The following GALNT9 variants were observed in gnomAD, a reference collection of about 807,000 sequenced individuals.
GALNT9 encodes the protein polypeptide N-acetylgalactosaminyltransferase 9.
A neutral mutation model predicts 63.1 loss-of-function variants in GALNT9; 47 were observed. The ratio of observed to expected loss-of-function variants is 0.75; its 90% CI spans 0.59 to 0.95. GALNT9 has a LOEUF of 0.95. Ranked by LOEUF, GALNT9 falls within the 40% of genes least tolerant of loss-of-function variation. GALNT9 has a pLI of 0.00. For missense variants in GALNT9, 829 were observed against 874.8 expected, an observed-to-expected ratio of 0.95 and a Z score of 0.66; for synonymous variants, 396 against 365.7, an observed-to-expected ratio of 1.08 and a Z score of -0.94.
intron 1 of GALNT9, among the ~76,000 whole-genome samples, chr12:132,318,748 C>T (rs1275736316): frequency 2.0e-5 from 3 of 152,212 alleles, no homozygotes; most frequent in African/African-American, 7.2e-5. Context: ...GCCTGGCAAT[C>T]CCAGCTGTGG....
At chr12:132,209,581 G>T (rs965903751) in intron 6 of GALNT9, among the ~76,000 whole-genome samples, 1 of 151,956 alleles carries the variant, frequency 6.6e-6, no homozygotes, top group Non-Finnish European at 1.5e-5. Flanking sequence ...TAAAGGAGCC[G>T]CCAAGTCCCA....
chr12:132,203,158 GGCACTAAGTGGGGCCCTGGCTGA>G (rs1227171041), intron 7 of GALNT9, among the ~76,000 whole-genome samples: 2 of 152,192 alleles, frequency 1.3e-5, no homozygotes, highest in African/African-American at 2.4e-5. Flanking sequence ...TGCTGTGCAG[GGCACTAAGTGGGGCCCTGGCTGA>G]GGCGGCGGCA....
intron 1 of GALNT9, among the ~76,000 whole-genome samples, chr12:132,297,699 T>C (rs1467640204): frequency 7.2e-6 from 1 of 138,986 alleles, no homozygotes; most frequent in East Asian, 2.3e-4. Context: ...AACCAACTCG[T>C]TCCCAAGATA....
chr12:132,229,646 C>T (rs1385584445), intron 6 of GALNT9, among the ~76,000 whole-genome samples: 3 of 152,356 alleles, frequency 2.0e-5, no homozygotes, highest in Non-Finnish European at 4.4e-5. Flanking sequence ...CGTCCCCACC[C>T]TTCTCGGGCC....
chr12:132,257,731 G>C lies in GALNT9; in HGVS notation c.917C>G (p.Pro306Arg). 1 of 1,550,254 alleles carries C rather than the reference G, an allele frequency of 6.5e-7. No individual in the cohort carries two copies. The highest frequency in any genetic ancestry group is 1.4e-5 in the African/African-American group (1 of 73,142). ...GTCGCCGCGGTCCAGCCAGTCCTGCGGGGGGATGATGTACATGCACCAGAG... is the reference window on the plus strand; with the variant it reads ...GTCGCCGCGGTCCAGCCAGTCCTGCCGGGGGATGATGTACATGCACCAGAG... ...WGLWCMYIIP[P>R]QDWLDRGDES... Residue 306 changes from proline to arginine, a missense_variant, in exon 5 of 11, where the codon CCG becomes CGG. Coordinates refer to ENST00000328957, the MANE Select transcript of GALNT9 (RefSeq NM_001122636.2).
chr12:132,291,451 T>A (rs1315441408), intron 1 of GALNT9, among the ~76,000 whole-genome samples: 1 of 13,590 alleles, frequency 7.4e-5, no homozygotes, highest in African/African-American at 2.9e-4. Flanking sequence ...CACGTCCACA[T>A]CACCCACATC....
At chr12:132,224,981 C>CTG (rs2135522581) in intron 6 of GALNT9, among the ~76,000 whole-genome samples, 1 of 144,360 alleles carries the variant, frequency 6.9e-6, no homozygotes, top group South Asian at 2.3e-4. Context: ...CACACATACA[C>CTG]CCCATATACA....
At chr12:132,293,718 G>A (rs1880943784) in intron 1 of GALNT9, among the ~76,000 whole-genome samples, 1 of 152,064 alleles carries the variant, frequency 6.6e-6, no homozygotes, top group East Asian at 1.9e-4. Context: ...AGAAGCTGGG[G>A]GACCCTGTAT....
At chr12:132,209,660 A>G (rs1316004783) in intron 6 of GALNT9, among the ~76,000 whole-genome samples, 1 of 152,152 alleles carries the variant, frequency 6.6e-6, no homozygotes, top group Non-Finnish European at 1.5e-5. Flanking sequence ...ATTATAATGC[A>G]TTAGCTGCTA....
rs530329533 is a variant in GALNT9, at chr12:132,291,886, A to G, written c.239-5456T>C. 9.2e-5 allele frequency among the ~76,000 whole-genome samples: 14 copies of G among 152,044 alleles called. No individual in the cohort carries two copies. In the East Asian group the frequency reaches 2.7e-3, roughly 30 times the overall value. On this transcript the variant is annotated intron_variant, in intron 1 of 10. Transcript: ENST00000328957. ...CAGAGCCGCTCCCCTGCTGGGAGCC[A>G]TGGGCCCCAATCCTGCTGCACTTGC...
In GALNT9 at chr12:132,319,955, C is replaced by A. The variant is rs1165109348; in HGVS notation, c.238+9011G>T. Among the ~76,000 whole-genome samples, 1 of 152,184 alleles carries A rather than the reference C, an allele frequency of 6.6e-6. No individual in the cohort carries two copies. Among genetic ancestry groups the A allele is most frequent in the East Asian group, 1.9e-4 (1 of 5,192 alleles). On this transcript the variant is annotated intron_variant, in intron 1 of 10. Transcript: ENST00000328957. The surrounding 1 kb of genome is among the most constrained non-coding windows in gnomAD (Gnocchi z 5.2). ...GCAGGCGCTCCTAAGGAAAAGGGGG[C>A]GGCCAGCGGCCCCCACCGCTGGGTC... is the stretch of plus-strand genomic sequence containing the variant.
rs552441934 is a variant in GALNT9, at chr12:132,197,571, C to T, written c.1665+221G>A. Among the ~76,000 whole-genome samples the T allele has an allele frequency of 1.4e-4, 22 of 152,334 alleles. No individual in the cohort carries two copies. The South Asian group carries it at 4.3e-3, about 30-fold the overall frequency. ...GCAGGGCTATGATCAGACTGTCCAG[C>T]CCGACCCCTCTCTGGCTGTGTGACC... is the stretch of plus-strand genomic sequence containing the variant. On this transcript the variant is annotated intron_variant, in intron 10 of 10. Coordinates refer to ENST00000328957, the MANE Select transcript of GALNT9 (RefSeq NM_001122636.2).
intron 1 of GALNT9, among the ~76,000 whole-genome samples, chr12:132,324,404 C>T (rs1868942332): frequency 6.6e-6 from 1 of 152,158 alleles, no homozygotes; most frequent in South Asian, 2.1e-4. Context: ...TCACTCATCA[C>T]GCGGGACTGA....
At chr12:132,209,995 A>G (rs1384943438) in intron 6 of GALNT9, among the ~76,000 whole-genome samples, 4 of 152,222 alleles carry the variant, frequency 2.6e-5, no homozygotes, top group Non-Finnish European at 4.4e-5. Context: ...GCCTTGTACA[A>G]GATCCAAGAG....
chr12:132,315,230 C>T lies in GALNT9; in HGVS notation c.238+13736G>A, dbSNP rs975220850. Among the ~76,000 whole-genome samples the T allele has an allele frequency of 3.9e-4, 59 of 152,164 alleles. No homozygotes were observed. Among genetic ancestry groups the T allele is most frequent in the African/African-American group, 1.4e-3 (58 of 41,540 alleles). ...CCTCCCCCGTGTCCACTGCAAAGTG[C>T]TGGAGCCTCAGAATATAATCAGGGC... On this transcript the variant is annotated intron_variant, in intron 1 of 10. Transcript: ENST00000328957. This position sits in a 1 kb window ranked among gnomAD's most constrained non-coding sequence, Gnocchi z 6.1.
At chr12:132,207,854 C>T (rs980002869) in intron 6 of GALNT9, among the ~76,000 whole-genome samples, 2 of 152,166 alleles carry the variant, frequency 1.3e-5, no homozygotes, top group Non-Finnish European at 2.9e-5. Context: ...CCCCCATGCC[C>T]TCAGCAACAT....
chr12:132,200,760 G>A lies in GALNT9; in HGVS notation c.1401+364C>T, dbSNP rs570349493. On this transcript the variant is annotated intron_variant, in intron 8 of 10. Coordinates refer to ENST00000328957, the MANE Select transcript of GALNT9 (RefSeq NM_001122636.2). Reference sequence around the variant, plus strand: ...TGCATGTATCCCTATGTACACATACGTGAGAGCGTAGGTACATTGAATCAG... The same window carrying A: ...TGCATGTATCCCTATGTACACATACATGAGAGCGTAGGTACATTGAATCAG... The A allele has an allele frequency of 1.3e-4, 32 of 251,672 alleles. No individual in the cohort carries two copies. In the South Asian group the frequency reaches 1.8e-3, roughly 14 times the overall value. 15.6% of individuals were successfully genotyped at this position (251,672 alleles called of 1,614,324 possible).
chr12:132,198,517 G>T (rs561627613), intron 9 of GALNT9, among the ~76,000 whole-genome samples: 2 of 149,642 alleles, frequency 1.3e-5, no homozygotes, highest in Non-Finnish European at 3.0e-5. Flanking sequence ...CACTATTGCC[G>T]TGTTAATCCA....
At chr12:132,272,135 A>C (rs1879893049) in intron 2 of GALNT9, among the ~76,000 whole-genome samples, 1 of 152,226 alleles carries the variant, frequency 6.6e-6, no homozygotes, top group Non-Finnish European at 1.5e-5. Flanking sequence ...CCGTGGGGAC[A>C]GATGCACGGC....
Sources: allele counts gnomAD v4.1 joint callset (sites outside exome capture counted in the v4.1 genomes callset), GRCh38; gene constraint gnomAD v4.1.1; non-coding constraint Gnocchi (gnomAD v3.1); transcripts MANE v1.5; gene names NCBI Gene and HGNC (gene_info 2026-07-23, HGNC 2026-07-21).